PRMT3: variants seen among roughly 807,000 people sequenced by gnomAD.
The protein encoded by PRMT3 is protein arginine N-methyltransferase 3.
In PRMT3, 62 loss-of-function variants were observed where a neutral mutation model predicts 71.9. The observed-to-expected ratio is 0.86, with a 90% CI of 0.70 to 1.07. The LOEUF (loss-of-function observed/expected upper bound fraction) is 1.07. PRMT3 is among the 50% of genes least tolerant of loss of function. PRMT3 has a pLI of 0.00. For missense variants in PRMT3, 663 were observed against 643.0 expected (o/e 1.03, Z -0.34); for synonymous variants, 213 against 220.4 (o/e 0.97, Z 0.30).
intron 3 of PRMT3, among the ~76,000 whole-genome samples, chr11:20,390,464 T>A (rs1461320100): frequency 2.0e-5 from 3 of 152,142 alleles, no homozygotes; most frequent in Non-Finnish European, 4.4e-5. Context: ...CGCAGGTCAT[T>A]TGAAAAAAGA....
At chr11:20,478,497 C>T (rs1261916378) in intron 13 of PRMT3, among the ~76,000 whole-genome samples, 1 of 150,860 alleles carries the variant, frequency 6.6e-6, no homozygotes, top group East Asian at 1.9e-4. Flanking sequence ...TACCACTGCA[C>T]TCCAGCCTGG....
intron 10 of PRMT3, among the ~76,000 whole-genome samples, chr11:20,431,273 G>A (rs1263390943): frequency 6.6e-6 from 1 of 152,112 alleles, no homozygotes; most frequent in Non-Finnish European, 1.5e-5. Flanking sequence ...TGTTGCTCCA[G>A]AGGCAAACTA....
intron 13 of PRMT3, among the ~76,000 whole-genome samples, chr11:20,490,120 A>G (rs943315539): frequency 9.2e-5 from 14 of 151,546 alleles, no homozygotes; most frequent in African/African-American, 3.2e-4. Flanking sequence ...TCTAGTGAGT[A>G]GATAGATTAT....
intron 15 of PRMT3, among the ~76,000 whole-genome samples, chr11:20,504,403 CAAAA>C (rs1243412522): frequency 9.3e-4 from 141 of 152,152 alleles, no homozygotes; most frequent in African/African-American, 3.3e-3. Context: ...TGAAAAAGAA[CAAAA>C]TGGCAAGATT....
chr11:20,409,654 A>AACAGACAC (rs1555008185), intron 9 of PRMT3, among the ~76,000 whole-genome samples: 23 of 144,332 alleles, frequency 1.6e-4, no homozygotes, highest in African/African-American at 5.9e-4. Flanking sequence ...GGAATACACA[A>AACAGACAC]ACACACACAC....
chr11:20,403,086 C>T, intron 8 of PRMT3, 102 bp downstream of exon 8: 1 of 861,978 alleles, frequency 1.2e-6, no homozygotes, highest in South Asian at 1.5e-5. Context: ...TTAACATCTT[C>T]TGTCTGTATT....
chr11:20,479,435 C>T (rs1213588312), intron 13 of PRMT3, among the ~76,000 whole-genome samples: 1 of 151,958 alleles, frequency 6.6e-6, no homozygotes, highest in Non-Finnish European at 1.5e-5. Context: ...AAATATTCAC[C>T]CTATGGATAT....
intron 13 of PRMT3, among the ~76,000 whole-genome samples, chr11:20,492,153 CAG>C (rs1851223351): frequency 6.6e-6 from 1 of 152,132 alleles, no homozygotes; most frequent in Non-Finnish European, 1.5e-5. Flanking sequence ...ACTAACATAA[CAG>C]AATGTATAAT....
At chr11:20,434,821 C>T (rs1050627335) in intron 10 of PRMT3, among the ~76,000 whole-genome samples, 2 of 152,106 alleles carry the variant, frequency 1.3e-5, no homozygotes, top group African/African-American at 4.8e-5. Context: ...AATGTGAAAC[C>T]TCCAGTTTTG....
intron 12 of PRMT3, among the ~76,000 whole-genome samples, chr11:20,462,432 T>C (rs938460930): frequency 6.6e-6 from 1 of 152,180 alleles, no homozygotes; most frequent in Non-Finnish European, 1.5e-5. Flanking sequence ...AATTTATATT[T>C]ACTTTGGCTT....
chr11:20,420,455 A>T (rs1252746543), intron 9 of PRMT3, among the ~76,000 whole-genome samples: 2 of 152,212 alleles, frequency 1.3e-5, no homozygotes, highest in Non-Finnish European at 2.9e-5. Flanking sequence ...ATTGGGCCAC[A>T]CAGCAGGAGG....
intron 13 of PRMT3, among the ~76,000 whole-genome samples, chr11:20,480,216 T>G (rs1850897939): frequency 6.6e-6 from 1 of 152,154 alleles, no homozygotes; most frequent in South Asian, 2.1e-4. Flanking sequence ...GTGGTCCGTA[T>G]CTTGATCTGG....
At chr11:20,492,590 A>G (rs1565237314) in intron 13 of PRMT3, among the ~76,000 whole-genome samples, 1 of 152,106 alleles carries the variant, frequency 6.6e-6, no homozygotes, top group Non-Finnish European at 1.5e-5. Context: ...CTTTACCATG[A>G]TTTTTCAAAA....
chr11:20,409,594 C>T (rs967421640), intron 9 of PRMT3, among the ~76,000 whole-genome samples: 3 of 149,386 alleles, frequency 2.0e-5, no homozygotes, highest in Non-Finnish European at 3.0e-5. Flanking sequence ...TTGCCCTGAA[C>T]TTGTTTAGGT....
At chr11:20,495,919 A>C (rs1294798571) in intron 15 of PRMT3, among the ~76,000 whole-genome samples, 1 of 152,232 alleles carries the variant, frequency 6.6e-6, no homozygotes, top group African/African-American at 2.4e-5. Flanking sequence ...AAGAAAATAC[A>C]TAAAGTTTAA....
intron 13 of PRMT3, among the ~76,000 whole-genome samples, chr11:20,490,739 G>T (rs757097764): frequency 1.3e-5 from 2 of 152,150 alleles, no homozygotes; most frequent in Non-Finnish European, 2.9e-5. Context: ...TGTTACATGA[G>T]TTTAAAACAA....
intron 10 of PRMT3, among the ~76,000 whole-genome samples, chr11:20,430,235 A>T (rs1185555322): frequency 6.6e-6 from 1 of 152,108 alleles, no homozygotes; most frequent in Non-Finnish European, 1.5e-5. Flanking sequence ...TTTTACAAGT[A>T]TTTTCAACAA....
intron 10 of PRMT3, among the ~76,000 whole-genome samples, chr11:20,435,410 C>T (rs1274365983): frequency 2.6e-5 from 4 of 152,038 alleles, no homozygotes; most frequent in African/African-American, 9.7e-5. Flanking sequence ...CCATATTGCC[C>T]AGGATGGTCT....
chr11:20,496,322 G>A (rs560967323), intron 15 of PRMT3, among the ~76,000 whole-genome samples: 6 of 152,186 alleles, frequency 3.9e-5, no homozygotes, highest in African/African-American at 7.2e-5. Context: ...GGAGGCTGAG[G>A]CCAGAAGTTC....
Sources: allele counts gnomAD v4.1 joint callset (sites outside exome capture counted in the v4.1 genomes callset), GRCh38; gene constraint gnomAD v4.1.1; transcripts MANE v1.5; gene names NCBI Gene and HGNC (gene_info 2026-07-23, HGNC 2026-07-21).